Variants in MTA3 observed in about 807,000 individuals in gnomAD.
MTA3 encodes metastasis-associated protein MTA3.
A neutral mutation model predicts 83.5 loss-of-function variants in MTA3; 34 were observed. The observed-to-expected ratio is 0.41, with a 90% CI of 0.31 to 0.54. MTA3 has a LOEUF of 0.54. Ranked by LOEUF, MTA3 falls within the 20% of genes least tolerant of loss-of-function variation. The pLI is 0.33. For missense variants in MTA3, 761 were observed against 726.4 expected (o/e 1.05, Z -0.55); for synonymous variants, 303 against 252.7 (o/e 1.20, Z -1.89).
intron 16 of MTA3, among the ~76,000 whole-genome samples, chr2:42,727,249 A>C (rs1447819383): frequency 2.0e-5 from 3 of 152,186 alleles, no homozygotes; most frequent in Non-Finnish European, 4.4e-5. Flanking sequence ...AAGCCTCAGT[A>C]CTCAGTGCAA....
chr2:42,730,197 T>C (rs987187074), intron 16 of MTA3, among the ~76,000 whole-genome samples: 1 of 152,186 alleles, frequency 6.6e-6, no homozygotes. Flanking sequence ...TATTTTCCAA[T>C]TTGATGACTT....
chr2:42,578,536 G>C (rs6544565), intron 2 of MTA3, among the ~76,000 whole-genome samples: 116,582 of 152,218 alleles, frequency 0.77, 45,102 homozygotes, highest in Middle Eastern at 0.88. Flanking sequence ...CTTCCTTGGT[G>C]TAGAGAATGC....
intron 8 of MTA3, among the ~76,000 whole-genome samples, chr2:42,674,505 G>A (rs139842852): frequency 3.8e-4 from 58 of 152,118 alleles, no homozygotes; most frequent in South Asian, 6.2e-4. Context: ...TGAATGGATC[G>A]TGCAATGTGT....
At chr2:42,570,407 G>T in intron 1 of MTA3, 30 bp from the exon 2 acceptor site, 4 of 1,374,696 alleles carry the variant, frequency 2.9e-6, no homozygotes, top group Non-Finnish European at 4.0e-6. Flanking sequence ...CTGTTAAAAA[G>T]ATTAAGTTCT....
Position 42,756,411 on chromosome 2 carries a change from A to G in MTA3, c.*3012A>G. 1 of 963,566 alleles carries G rather than the reference A, an allele frequency of 1.0e-6. No individual in the cohort carries two copies. Among genetic ancestry groups the G allele is most frequent in the Non-Finnish European group, 1.2e-6 (1 of 810,600 alleles). The allele number at this position is 963,566 out of a possible 1,614,324, so 59.7% of individuals were successfully genotyped here. On this transcript the variant is annotated 3_prime_UTR_variant, in exon 17 of 17. Coordinates refer to ENST00000405094, the MANE Select transcript of MTA3 (RefSeq NM_001330442.2). ...CTGCCCTGGGAGCCTGGGACAGGCGACCCACCGGGTCAGTCCCCTGCCACT... is the reference window on the plus strand; with the variant it reads ...CTGCCCTGGGAGCCTGGGACAGGCGGCCCACCGGGTCAGTCCCCTGCCACT...
Position 42,722,949 on chromosome 2 carries a change from C to G in MTA3, c.1673C>G (p.Thr558Ser), listed in dbSNP as rs777879551. 12 of 1,551,120 alleles carry G rather than the reference C, an allele frequency of 7.7e-6. No homozygotes were observed. In the South Asian group the frequency reaches 1.3e-4, roughly 17 times the overall value. ...IRSTPSLQTPTTKRMLTTPNH... is the reference protein window; with the variant it reads ...IRSTPSLQTPSTKRMLTTPNH... ...TCTACACCAAGCCTGCAAACCCCAACTACCAAGCGGATGCTAACAACTCCA... is the reference window on the plus strand; with the variant it reads ...TCTACACCAAGCCTGCAAACCCCAAGTACCAAGCGGATGCTAACAACTCCA... The change falls in exon 16 of 17, where the codon ACT becomes AGT. Residue 558 changes from threonine to serine, a missense_variant. Transcript: ENST00000405094.
At chr2:42,570,809 G>A (rs1678389942) in intron 2 of MTA3, among the ~76,000 whole-genome samples, 1 of 151,874 alleles carries the variant, frequency 6.6e-6, no homozygotes, top group Admixed American at 6.6e-5. Flanking sequence ...TCGGGAGTTC[G>A]AGACCAGCCT....
intron 4 of MTA3, chr2:42,614,024 T>G (rs1210072139): frequency 6.6e-6 from 1 of 152,240 alleles, no homozygotes; most frequent in Admixed American, 6.5e-5. Flanking sequence ...TTATGTCAGC[T>G]GCTAGATATC....
At chr2:42,639,143 C>G (rs1313058285) in intron 4 of MTA3, among the ~76,000 whole-genome samples, 2 of 151,502 alleles carry the variant, frequency 1.3e-5, no homozygotes, top group Admixed American at 6.6e-5. Context: ...TCACTGCAAC[C>G]TCTGCCTCTG....
chr2:42,752,084 T>C, intron 16 of MTA3: 1 of 428,112 alleles, frequency 2.3e-6, no homozygotes, highest in South Asian at 1.7e-5. Flanking sequence ...TGCTGAAGGT[T>C]AAATAAGGTA....
At chr2:42,621,861 C>T (rs1317428090) in intron 4 of MTA3, among the ~76,000 whole-genome samples, 2 of 150,900 alleles carry the variant, frequency 1.3e-5, no homozygotes, top group South Asian at 2.1e-4. Context: ...AGACGATGGG[C>T]GGCCAGGCAG....
chr2:42,579,018 C>A lies in MTA3; in HGVS notation c.97-89C>A, dbSNP rs1057169744. 2.1e-5 allele frequency: 17 copies of A among 816,128 alleles called. No individual in the cohort carries two copies. The Admixed American group carries it at 4.6e-4, about 22-fold the overall frequency. The allele number at this position is 816,128 out of a possible 1,614,324, so 50.6% of individuals were successfully genotyped here. A position where few individuals can be genotyped will look rare whatever the true frequency, so the allele number is the denominator to read the frequency against. On this transcript the variant is annotated intron_variant, in intron 2 of 16. Coordinates refer to ENST00000405094, the MANE Select transcript of MTA3 (RefSeq NM_001330442.2). ...TGGCACCAGTGTTAATGAGCATGATCATATAATTGTGCTGTATCTAGTTTC... is the reference window on the plus strand; with the variant it reads ...TGGCACCAGTGTTAATGAGCATGATAATATAATTGTGCTGTATCTAGTTTC...
At chr2:42,618,077 T>C (rs756085790) in intron 4 of MTA3, among the ~76,000 whole-genome samples, 1 of 152,042 alleles carries the variant, frequency 6.6e-6, no homozygotes, top group Non-Finnish European at 1.5e-5. Flanking sequence ...TCCAAGTAGC[T>C]GGGACTGCAA....
chr2:42,601,344 C>G (rs896696414), intron 3 of MTA3, among the ~76,000 whole-genome samples: 1 of 152,186 alleles, frequency 6.6e-6, no homozygotes, highest in Non-Finnish European at 1.5e-5. Flanking sequence ...CTTAATTATT[C>G]CCTCTTACAG....
At chr2:42,639,467 T>G (rs1186682461) in intron 4 of MTA3, among the ~76,000 whole-genome samples, 1 of 152,180 alleles carries the variant, frequency 6.6e-6, no homozygotes, top group Non-Finnish European at 1.5e-5. Context: ...TCGTAATAAA[T>G]GCCTCTACCT....
chr2:42,577,907 T>C (rs1679231837), intron 2 of MTA3, among the ~76,000 whole-genome samples: 1 of 152,236 alleles, frequency 6.6e-6, no homozygotes, highest in Admixed American at 6.5e-5. Flanking sequence ...GATTTTATTT[T>C]ATTTACATGG....
intron 8 of MTA3, among the ~76,000 whole-genome samples, chr2:42,664,447 A>AC (rs1690028520): frequency 1.1e-5 from 1 of 88,480 alleles, no homozygotes; most frequent in South Asian, 3.6e-4. Context: ...TGGTCCTACT[A>AC]CCCCCTCACC....
intron 7 of MTA3, among the ~76,000 whole-genome samples, chr2:42,657,057 T>C (rs1689236611): frequency 6.6e-6 from 1 of 152,178 alleles, no homozygotes; most frequent in Non-Finnish European, 1.5e-5. Flanking sequence ...ATACATTAAA[T>C]GGGTATATAT....
intron 2 of MTA3, among the ~76,000 whole-genome samples, chr2:42,554,336 A>T (rs563968984): frequency 6.6e-6 from 1 of 152,332 alleles, no homozygotes; most frequent in Non-Finnish European, 1.5e-5. Flanking sequence ...TTCATTTATC[A>T]AGGTAACCTA....
Sources: allele counts gnomAD v4.1 joint callset (sites outside exome capture counted in the v4.1 genomes callset), GRCh38; gene constraint gnomAD v4.1.1; transcripts MANE v1.5; gene names NCBI Gene and HGNC (gene_info 2026-07-23, HGNC 2026-07-21).